Variants in NSMCE2 observed in about 807,000 individuals in gnomAD.
The protein encoded by NSMCE2 is NSE2 SUMO ligase component of SMC5/6 complex.
In NSMCE2, 24 loss-of-function variants were observed where a neutral mutation model predicts 23.8. The observed-to-expected ratio is 1.01, with a 90% CI of 0.73 to 1.42. The LOEUF (loss-of-function observed/expected upper bound fraction) is 1.42, where lower values mean the gene tolerates loss of function less well. NSMCE2 is among the 40% of genes most tolerant of loss of function. The probability of loss-of-function intolerance (pLI) is 0.00; values close to 1 mark genes in which losing one functional copy is unlikely to be tolerated. For synonymous variants in NSMCE2, 92 were observed against 94.1 expected, an observed-to-expected ratio of 0.98 and a Z score of 0.13; for missense variants, 284 against 296.5, an observed-to-expected ratio of 0.96 and a Z score of 0.31.
intron 5 of NSMCE2, among the ~76,000 whole-genome samples, chr8:125,285,579 C>T (rs1827858643): frequency 6.6e-6 from 1 of 152,060 alleles, no homozygotes; most frequent in African/African-American, 2.4e-5. Context: ...TAAACATGTA[C>T]ATTTAGGTAA....
chr8:125,307,805 T>A (rs184871323), intron 5 of NSMCE2, among the ~76,000 whole-genome samples: 62 of 152,188 alleles, frequency 4.1e-4, no homozygotes, highest in Admixed American at 4.1e-3. Flanking sequence ...TGCTTAAGAG[T>A]TAAAAACGAT....
chr8:125,283,981 G>A (rs979225631), intron 5 of NSMCE2, among the ~76,000 whole-genome samples: 4 of 151,878 alleles, frequency 2.6e-5, no homozygotes, highest in South Asian at 2.1e-4. Context: ...GTGAAACCCC[G>A]TCTCTACTAA....
At chr8:125,164,700 G>A (rs973100879) in intron 4 of NSMCE2, among the ~76,000 whole-genome samples, 4 of 152,164 alleles carry the variant, frequency 2.6e-5, no homozygotes, top group African/African-American at 9.7e-5. Flanking sequence ...TATTTTTGAA[G>A]TGGTAGTGGT....
intron 3 of NSMCE2, among the ~76,000 whole-genome samples, chr8:125,148,680 G>T (rs1820816383): frequency 6.6e-6 from 1 of 152,048 alleles, no homozygotes; most frequent in South Asian, 2.1e-4. Context: ...ACCAGTTCCA[G>T]TATCAGAATC....
chr8:125,339,343 T>G (rs1164904335), intron 5 of NSMCE2, among the ~76,000 whole-genome samples: 2 of 152,096 alleles, frequency 1.3e-5, no homozygotes, highest in African/African-American at 4.8e-5. Context: ...GCCCCAACAC[T>G]AGACTAGAGT....
chr8:125,150,883 C>T (rs1422156270), intron 3 of NSMCE2, among the ~76,000 whole-genome samples: 9 of 151,784 alleles, frequency 5.9e-5, no homozygotes, highest in Admixed American at 5.2e-4. Flanking sequence ...AGTAAGGGCA[C>T]AGCCTGGAAC....
intron 5 of NSMCE2, among the ~76,000 whole-genome samples, chr8:125,280,540 A>C (rs768539393): frequency 6.6e-6 from 1 of 152,238 alleles, no homozygotes; most frequent in Non-Finnish European, 1.5e-5. Context: ...GTTTTTTAAC[A>C]GTGAGAAAAA....
intron 4 of NSMCE2, among the ~76,000 whole-genome samples, chr8:125,176,719 C>T (rs149479283): frequency 1.3e-5 from 2 of 152,208 alleles, no homozygotes; most frequent in Non-Finnish European, 2.9e-5. Flanking sequence ...TACCTCACAG[C>T]GACACTATAC....
chr8:125,149,803 C>G (rs1430799245), intron 3 of NSMCE2, among the ~76,000 whole-genome samples: 1 of 152,000 alleles, frequency 6.6e-6, no homozygotes, highest in African/African-American at 2.4e-5. Flanking sequence ...GATTGTTATT[C>G]TTAGTGGCTT....
chr8:125,165,908 A>G lies in NSMCE2; in HGVS notation c.264+14631A>G, dbSNP rs183835145. Among the ~76,000 whole-genome samples the G allele has an allele frequency of 2.6e-5, 4 of 152,304 alleles. No individual in the cohort carries two copies. The East Asian group carries it at 5.8e-4, about 22-fold the overall frequency. On this transcript the variant is annotated intron_variant, in intron 4 of 7. Coordinates refer to ENST00000287437, the MANE Select transcript of NSMCE2 (RefSeq NM_173685.4). ...TCAGGGAGCCATATTAATTATAGAG[A>G]AAGCAGTGCCAGAGAATTTGATAGG...
At chr8:125,210,903 TG>T (rs1824309552) in intron 5 of NSMCE2, among the ~76,000 whole-genome samples, 1 of 152,086 alleles carries the variant, frequency 6.6e-6, no homozygotes. Context: ...TAATTTTTTT[TG>T]TATTTTTTGG....
intron 3 of NSMCE2, among the ~76,000 whole-genome samples, chr8:125,126,547 A>G (rs904502556): frequency 1.3e-5 from 2 of 152,054 alleles, no homozygotes; most frequent in African/African-American, 4.8e-5. Context: ...AGCACTTACT[A>G]CCTCAAGAAG....
intron 3 of NSMCE2, among the ~76,000 whole-genome samples, chr8:125,145,315 C>G (rs1820613417): frequency 6.6e-6 from 1 of 152,148 alleles, no homozygotes; most frequent in Admixed American, 6.6e-5. Flanking sequence ...GGCATACTTA[C>G]AGAAACAGCT....
intron 3 of NSMCE2, among the ~76,000 whole-genome samples, chr8:125,113,021 A>AAAT (rs1818840325): frequency 6.9e-6 from 1 of 145,482 alleles, no homozygotes; most frequent in Non-Finnish European, 1.5e-5. Flanking sequence ...TGTCAATTAA[A>AAAT]AATAAATTTA....
At chr8:125,269,156 C>G (rs116607473) in intron 5 of NSMCE2, among the ~76,000 whole-genome samples, 8 of 152,084 alleles carry the variant, frequency 5.3e-5, no homozygotes, top group Non-Finnish European at 1.5e-5. Flanking sequence ...GACACGATCT[C>G]GACTCACTTC....
At chr8:125,285,101 G>T (rs983848685) in intron 5 of NSMCE2, among the ~76,000 whole-genome samples, 2 of 152,160 alleles carry the variant, frequency 1.3e-5, no homozygotes, top group Non-Finnish European at 2.9e-5. Flanking sequence ...AGTTGAACTA[G>T]ATCTGAAGGA....
chr8:125,174,743 T>C (rs968060824), intron 4 of NSMCE2, among the ~76,000 whole-genome samples: 1 of 152,232 alleles, frequency 6.6e-6, no homozygotes, highest in Non-Finnish European at 1.5e-5. Flanking sequence ...TACTTAATAG[T>C]AGTGTATTAC....
At chr8:125,273,463 C>A (rs948078696) in intron 5 of NSMCE2, among the ~76,000 whole-genome samples, 4 of 152,190 alleles carry the variant, frequency 2.6e-5, no homozygotes, top group African/African-American at 9.7e-5. Context: ...TTTAGTTGCA[C>A]AATACTTTCA....
chr8:125,292,945 T>C lies in NSMCE2; in HGVS notation c.419-64274T>C, dbSNP rs989954241. Among the ~76,000 whole-genome samples the C allele has an allele frequency of 3.4e-4, 51 of 152,176 alleles. 1 individual carries two copies. Among genetic ancestry groups the C allele is most frequent in the African/African-American group, 1.2e-3 (50 of 41,440 alleles). Reference sequence around the variant, plus strand: ...CATACTTGTTGAAGACCCCCTGTAGTCTGGAGCAGTATTTCCCAACTAAGA... The same window carrying C: ...CATACTTGTTGAAGACCCCCTGTAGCCTGGAGCAGTATTTCCCAACTAAGA... On this transcript the variant is annotated intron_variant, in intron 5 of 7. Coordinates refer to ENST00000287437, the MANE Select transcript of NSMCE2 (RefSeq NM_173685.4).
Sources: gnomAD v4.1 joint callset for allele counts (sites outside exome capture counted in the v4.1 genomes callset) on GRCh38, gnomAD v4.1.1 for gene constraint, MANE v1.5 for transcripts, NCBI Gene and HGNC (gene_info 2026-07-23, HGNC 2026-07-21) for gene names.